Variants in DSCAM observed in about 807,000 individuals in gnomAD.
DSCAM encodes cell adhesion molecule DSCAM.
Under a neutral mutation model 217.7 loss-of-function variants are expected in DSCAM, and 47 were observed. The observed-to-expected ratio is 0.22, with a 90% CI of 0.17 to 0.28. DSCAM has a LOEUF of 0.28. Ranked by LOEUF, DSCAM falls within the 10% of genes least tolerant of loss-of-function variation. The probability of loss-of-function intolerance (pLI) is 1.00; values close to 1 mark genes in which losing one functional copy is unlikely to be tolerated. For synonymous variants in DSCAM, 1,056 were observed against 1,015.3 expected (o/e 1.04, Z -0.76); for missense variants, 2,080 against 2,618.3 (o/e 0.79, Z 4.49).
At chr21:40,431,797 C>G (rs1370059511) in intron 3 of DSCAM, among the ~76,000 whole-genome samples, 2 of 152,158 alleles carry the variant, frequency 1.3e-5, no homozygotes, top group Non-Finnish European at 2.9e-5. Context: ...CAGTCAGTAC[C>G]CCAACTGCTG....
chr21:40,380,821 T>C (rs1483241573), intron 3 of DSCAM, among the ~76,000 whole-genome samples: 5 of 151,928 alleles, frequency 3.3e-5, no homozygotes, highest in Admixed American at 3.3e-4. Context: ...CCCAGCACTT[T>C]GGGAGGCCGA....
rs1255779664 is a variant in DSCAM at position 40,339,156 on chromosome 21, C to T, written c.1470G>A (p.Ala490=). The change falls in exon 7 of 33, where the codon GCG becomes GCA. Residue 490 remains alanine (A), a synonymous_variant. Transcript: ENST00000400454. ...GVYRCTANNS[A]GVVLYQARIN... is the part of the protein sequence containing the mutation. The stretch of plus-strand genomic sequence containing the variant: ...TTCGAGCCTGGTACAGGACGACTCC[C>T]GCCGAGTTGTTGGCAGTGCAGCGGT... The T allele has an allele frequency of 1.9e-6, 3 of 1,614,172 alleles. No homozygotes were observed. Among genetic ancestry groups the T allele is most frequent in the African/African-American group, 1.3e-5 (1 of 75,036 alleles).
intron 3 of DSCAM, among the ~76,000 whole-genome samples, chr21:40,685,571 T>C (rs902443319): frequency 6.6e-5 from 10 of 152,336 alleles, no homozygotes; most frequent in South Asian, 4.1e-4. Context: ...AAGTGCTTCC[T>C]AGTGATTCCA....
chr21:40,655,456 T>C lies in DSCAM; in HGVS notation c.508+37354A>G, dbSNP rs2090064072. ...CTTCAATCTGTCTCTCTTTTTTTTT[T>C]TTTTGAGACAGGGTCTCACTCTGTC... On this transcript the variant is annotated intron_variant, in intron 3 of 32. Coordinates refer to ENST00000400454, the MANE Select transcript of DSCAM (RefSeq NM_001389.5). Among the ~76,000 whole-genome samples the C allele has an allele frequency of 2.0e-5, 3 of 151,110 alleles. 1 individual carries two copies. The South Asian group carries it at 6.3e-4, about 32-fold the overall frequency.
chr21:40,386,443 G>T (rs545455406), intron 3 of DSCAM, among the ~76,000 whole-genome samples: 1 of 152,272 alleles, frequency 6.6e-6, no homozygotes, highest in East Asian at 1.9e-4. Flanking sequence ...CTGAGGAATC[G>T]GCCTTGGAGC....
intron 3 of DSCAM, among the ~76,000 whole-genome samples, chr21:40,414,172 G>A (rs535210027): frequency 2.6e-4 from 39 of 152,144 alleles, no homozygotes; most frequent in Non-Finnish European, 4.0e-4. Flanking sequence ...CCAAAAATAC[G>A]TTTAAGAAAA....
intron 32 of DSCAM, among the ~76,000 whole-genome samples, chr21:40,013,855 T>C (rs1274874357): frequency 6.6e-6 from 1 of 152,204 alleles, no homozygotes; most frequent in East Asian, 1.9e-4. Flanking sequence ...TGAAACCTTG[T>C]GACCTTGGCC....
intron 1 of DSCAM, among the ~76,000 whole-genome samples, chr21:40,780,237 C>G (rs2091527302): frequency 6.6e-6 from 1 of 151,980 alleles, no homozygotes; most frequent in Non-Finnish European, 1.5e-5. Flanking sequence ...CATGTTCTTT[C>G]TATCAGAAGC....
intron 8 of DSCAM, among the ~76,000 whole-genome samples, chr21:40,334,896 G>T (rs1009010101): frequency 6.6e-6 from 1 of 151,870 alleles, no homozygotes; most frequent in Non-Finnish European, 1.5e-5. Flanking sequence ...TCACTCAGCA[G>T]AAAACCCCAC....
intron 3 of DSCAM, among the ~76,000 whole-genome samples, chr21:40,444,743 A>G (rs2075660397): frequency 6.6e-6 from 1 of 152,200 alleles, no homozygotes; most frequent in African/African-American, 2.4e-5. Flanking sequence ...AAAGTAGAGA[A>G]GGGAATAGGA....
chr21:40,624,174 C>T (rs192881533), intron 3 of DSCAM, among the ~76,000 whole-genome samples: 234 of 152,230 alleles, frequency 1.5e-3, no homozygotes, highest in Non-Finnish European at 2.7e-3. Context: ...CATTTTGCCC[C>T]TCAGCCTCTA....
intron 3 of DSCAM, among the ~76,000 whole-genome samples, chr21:40,669,946 A>AT (rs2090252583): frequency 1.1e-5 from 1 of 89,262 alleles, no homozygotes; most frequent in Non-Finnish European, 2.3e-5. Flanking sequence ...TATGGCTATA[A>AT]TAAAAAAAAA....
chr21:40,758,468 GGT>G (rs1421021944), intron 1 of DSCAM, among the ~76,000 whole-genome samples: 1 of 148,794 alleles, frequency 6.7e-6, no homozygotes, highest in Non-Finnish European at 1.5e-5. Flanking sequence ...AGTGAGCCGA[GGT>G]GGTGCCACTG....
At chr21:40,199,656 A>G (rs530584007) in intron 11 of DSCAM, among the ~76,000 whole-genome samples, 6 of 152,254 alleles carry the variant, frequency 3.9e-5, no homozygotes, top group Admixed American at 2.6e-4. Context: ...CCTCGCCAGC[A>G]TATGTTGTTC....
At chr21:40,762,783 C>T (rs1446641597) in intron 1 of DSCAM, among the ~76,000 whole-genome samples, 2 of 152,168 alleles carry the variant, frequency 1.3e-5, no homozygotes, top group Non-Finnish European at 2.9e-5. Context: ...TCAGCTTCAT[C>T]CCTGGGATGC....
chr21:40,250,873 G>A (rs1241604107), intron 11 of DSCAM, among the ~76,000 whole-genome samples: 1 of 152,242 alleles, frequency 6.6e-6, no homozygotes, highest in East Asian at 1.9e-4. Context: ...GCTGGGCTGG[G>A]TGCACATGTT....
intron 3 of DSCAM, among the ~76,000 whole-genome samples, chr21:40,418,495 G>A (rs974675726): frequency 6.6e-6 from 1 of 152,188 alleles, no homozygotes; most frequent in Non-Finnish European, 1.5e-5. Flanking sequence ...TTTAGGTTAT[G>A]TGAGGTGAAG....
intron 14 of DSCAM, among the ~76,000 whole-genome samples, chr21:40,186,817 C>T (rs2146825008): frequency 6.6e-6 from 1 of 152,284 alleles, no homozygotes; most frequent in African/African-American, 2.4e-5. Flanking sequence ...TAGAAAAGGT[C>T]ATGGTGGGGG....
chr21:40,594,598 C>T (rs1241237152), intron 3 of DSCAM, among the ~76,000 whole-genome samples: 1 of 152,092 alleles, frequency 6.6e-6, no homozygotes, highest in Non-Finnish European at 1.5e-5. Flanking sequence ...TAAAGAGTAG[C>T]CATAGAGATA....
Sources: allele counts gnomAD v4.1 joint callset (sites outside exome capture counted in the v4.1 genomes callset), GRCh38; gene constraint gnomAD v4.1.1; transcripts MANE v1.5; gene names NCBI Gene and HGNC (gene_info 2026-07-23, HGNC 2026-07-21).